NPAS3: variants seen among roughly 807,000 people sequenced by gnomAD.
The protein encoded by NPAS3 is neuronal PAS domain protein 3, also known as neuronal PAS domain-containing protein 3.
NPAS3 carries 14 observed loss-of-function variants against 73.1 expected under a neutral mutation model. The ratio of observed to expected loss-of-function variants is 0.19; its 90% CI spans 0.13 to 0.30. The LOEUF is 0.30. NPAS3 is among the 10% of genes least tolerant of loss of function. NPAS3 has a pLI of 1.00. For synonymous variants in NPAS3, 620 were observed against 541.5 expected (o/e 1.14, Z -2.01); for missense variants, 1,096 against 1,250.0 (o/e 0.88, Z 1.86).
chr14:33,793,190 A>G (rs1053716124), intron 9 of NPAS3, among the ~76,000 whole-genome samples: 1 of 152,210 alleles, frequency 6.6e-6, no homozygotes, highest in African/African-American at 2.4e-5. Context: ...ATTTGGGGCC[A>G]TATTTCAGAG....
At chr14:33,208,811 C>T (rs1351351783) in intron 2 of NPAS3, among the ~76,000 whole-genome samples, 1 of 152,158 alleles carries the variant, frequency 6.6e-6, no homozygotes. Flanking sequence ...ACTTTGCTTC[C>T]AAACAACCAT....
At chr14:33,437,581 T>TTACTG (rs79298069) in intron 4 of NPAS3, among the ~76,000 whole-genome samples, 28,614 of 151,978 alleles carry the variant, frequency 0.19, 3,115 homozygotes, top group East Asian at 0.5. Flanking sequence ...GGAGAGTCCT[T>TTACTG]TACTGGAATA....
At chr14:33,194,754 G>T (rs928217759) in intron 2 of NPAS3, among the ~76,000 whole-genome samples, 1 of 152,124 alleles carries the variant, frequency 6.6e-6, no homozygotes. Context: ...GAGTCACTTG[G>T]TGGAATGTGG....
At chr14:33,170,445 G>C (rs1159867593) in intron 2 of NPAS3, among the ~76,000 whole-genome samples, 11 of 152,188 alleles carry the variant, frequency 7.2e-5, no homozygotes, top group Non-Finnish European at 1.3e-4. Flanking sequence ...TGGGGTAGCT[G>C]TGGCAATTTC....
chr14:33,590,917 A>G (rs983810905), intron 5 of NPAS3, among the ~76,000 whole-genome samples: 4 of 152,326 alleles, frequency 2.6e-5, no homozygotes, highest in African/African-American at 9.6e-5. Context: ...CACCAGAGAT[A>G]CAGTGATGTG....
At chr14:33,523,376 G>A (rs1414284000) in intron 4 of NPAS3, among the ~76,000 whole-genome samples, 4 of 151,006 alleles carry the variant, frequency 2.6e-5, no homozygotes, top group Non-Finnish European at 5.9e-5. Flanking sequence ...AAAAGACACT[G>A]GCCCAGGCAA....
intron 2 of NPAS3, among the ~76,000 whole-genome samples, chr14:33,104,046 A>G (rs1264825986): frequency 6.6e-6 from 1 of 152,198 alleles, no homozygotes; most frequent in African/African-American, 2.4e-5. Context: ...AATAGGGAAC[A>G]TGAAAGGAGA....
At chr14:33,173,000 G>A (rs566941319) in intron 2 of NPAS3, among the ~76,000 whole-genome samples, 2 of 152,216 alleles carry the variant, frequency 1.3e-5, no homozygotes, top group African/African-American at 2.4e-5. Flanking sequence ...ATCAATATGA[G>A]AAGTTTTAAT....
At chr14:33,259,948 G>A (rs1360657079) in intron 3 of NPAS3, among the ~76,000 whole-genome samples, 1 of 152,008 alleles carries the variant, frequency 6.6e-6, no homozygotes, top group Non-Finnish European at 1.5e-5. Flanking sequence ...GAGCCAAAGA[G>A]GAGGAAACGA....
chr14:33,045,744 T>C (rs2040486115), intron 1 of NPAS3, among the ~76,000 whole-genome samples: 1 of 152,224 alleles, frequency 6.6e-6, no homozygotes, highest in Admixed American at 6.5e-5. Flanking sequence ...GGGTAAAGGC[T>C]TAACAAAGAT....
Position 33,095,657 on chromosome 14 carries a change from C to CTTTTTTTTTTTTT in NPAS3, c.140+39667_140+39668insTTTTTTTTTTTTT, listed in dbSNP as rs201283993. 7.4e-4 allele frequency among the ~76,000 whole-genome samples: 72 copies of CTTTTTTTTTTTTT among 97,650 alleles called. 12 individuals are homozygous for CTTTTTTTTTTTTT. The highest frequency in any genetic ancestry group is 7.0e-3 in the Middle Eastern group (1 of 142). 64.1% of individuals were successfully genotyped at this position (97,650 alleles called of 152,430 possible). On this transcript the variant is annotated intron_variant, in intron 2 of 11. Transcript: ENST00000356141. Reference sequence around the variant, plus strand: ...TACACAAAGGCGTGGGCATTCTCTGCTTTTATTTTTTTATTTTTTTTTTTT... The same window carrying CTTTTTTTTTTTTT: ...TACACAAAGGCGTGGGCATTCTCTGCTTTTTTTTTTTTTTTTTATTTTTTTATTTTTTTTTTTT...
At chr14:33,587,801 A>G (rs1361716487) in intron 5 of NPAS3, among the ~76,000 whole-genome samples, 2 of 152,216 alleles carry the variant, frequency 1.3e-5, no homozygotes, top group African/African-American at 4.8e-5. Context: ...AGAGTTCTCC[A>G]AATCATAAAT....
At chr14:33,642,256 C>T (rs1212621008) in intron 5 of NPAS3, among the ~76,000 whole-genome samples, 1 of 152,132 alleles carries the variant, frequency 6.6e-6, no homozygotes, top group Non-Finnish European at 1.5e-5. Flanking sequence ...GCTGTAATGG[C>T]ACATTTACCA....
chr14:33,417,037 G>A (rs1294835121), intron 4 of NPAS3, among the ~76,000 whole-genome samples: 1 of 151,860 alleles, frequency 6.6e-6, no homozygotes, highest in African/African-American at 2.4e-5. Flanking sequence ...TTAGGGAAAC[G>A]GTGCTAAAAG....
At position 33,200,073 on chromosome 14, in the gene NPAS3, C is replaced by A. The variant is rs10148532; in HGVS notation, c.141-15109C>A. On this transcript the variant is annotated intron_variant, in intron 2 of 11. Transcript: ENST00000356141. ...TTAATTTTTAATAAAAGATTCCTTA[C>A]ACATGATGTCACCATAGTGAGCTGA... Among the ~76,000 whole-genome samples the A allele has an allele frequency of 5.4e-3, 825 of 151,780 alleles. 5 individuals are homozygous for A. The highest frequency in any genetic ancestry group is 0.019 in the African/African-American group (773 of 41,460).
chr14:33,131,879 A>G lies in NPAS3; in HGVS notation c.140+75885A>G, dbSNP rs559422960. ...CTTTGAGCCGAAGCTTGCAGGATCA[A>G]TTATACTTTATCTGATAGAGAAAGT... On this transcript the variant is annotated intron_variant, in intron 2 of 11. Transcript: ENST00000356141. Among the ~76,000 whole-genome samples the G allele has an allele frequency of 1.3e-4, 20 of 152,314 alleles. No individual in the cohort carries two copies. In the South Asian group the frequency reaches 3.9e-3, roughly 30 times the overall value.
At chr14:33,692,241 A>G (rs1055118561) in intron 6 of NPAS3, among the ~76,000 whole-genome samples, 1 of 152,186 alleles carries the variant, frequency 6.6e-6, no homozygotes, top group African/African-American at 2.4e-5. Context: ...GGTGGAAAAG[A>G]GAGTGCTGTT....
intron 7 of NPAS3, among the ~76,000 whole-genome samples, chr14:33,735,923 A>G (rs1297529661): frequency 1.3e-5 from 2 of 152,338 alleles, no homozygotes; most frequent in African/African-American, 4.8e-5. Context: ...GTCAAAATCT[A>G]CATTATCATC....
At chr14:33,438,350 T>C (rs944304605) in intron 4 of NPAS3, among the ~76,000 whole-genome samples, 1 of 152,304 alleles carries the variant, frequency 6.6e-6, no homozygotes, top group Non-Finnish European at 1.5e-5. Flanking sequence ...AGACTCTCCA[T>C]GTGGCAGGGA....
Sources: gnomAD v4.1 joint callset for allele counts (sites outside exome capture counted in the v4.1 genomes callset) on GRCh38, gnomAD v4.1.1 for gene constraint, MANE v1.5 for transcripts, NCBI Gene and HGNC (gene_info 2026-07-23, HGNC 2026-07-21) for gene names.